The following COL9A1 variants were observed in gnomAD, a reference collection of about 807,000 sequenced individuals.
COL9A1 encodes collagen alpha-1(IX) chain.
COL9A1 carries 104 observed loss-of-function variants against 142.6 expected under a neutral mutation model. The ratio of observed to expected loss-of-function variants is 0.73; its 90% CI spans 0.62 to 0.86. The LOEUF is 0.86. Among genes scored for constraint, COL9A1 ranks in the 40% least tolerant of loss-of-function variants. The pLI is 0.00. For missense variants in COL9A1, 1,210 were observed against 1,176.6 expected (o/e 1.03, Z -0.42); for synonymous variants, 466 against 396.0 (o/e 1.18, Z -2.10).
In COL9A1 at chr6:70,232,455, A is replaced by C; in HGVS notation, c.2503+128T>G. ...TGAATCTTCACCGTCACTATTGAAA[A>C]GAGAATAATACATCTTATCTCACTG... On this transcript the variant is annotated intron_variant, in intron 36 of 37. Coordinates refer to ENST00000357250, the MANE Select transcript of COL9A1 (RefSeq NM_001851.6). 3 of 1,096,926 alleles carry C rather than the reference A, an allele frequency of 2.7e-6. No individual in the cohort carries two copies. In the East Asian group the frequency reaches 7.1e-5, roughly 26 times the overall value. The allele number at this position is 1,096,926 out of a possible 1,614,324, so 67.9% of individuals were successfully genotyped here.
intron 10 of COL9A1, chr6:70,280,358 T>C: frequency 8.5e-7 from 1 of 1,179,460 alleles, no homozygotes; most frequent in Non-Finnish European, 1.0e-6. Flanking sequence ...TTTGCCTACC[T>C]GCAGGATCTT....
intron 2 of COL9A1, among the ~76,000 whole-genome samples, chr6:70,301,522 A>T (rs1342017169): frequency 2.6e-5 from 4 of 152,220 alleles, no homozygotes; most frequent in Non-Finnish European, 5.9e-5. Context: ...GGTTGCAGTG[A>T]GCCGAGATTG....
At position 70,246,557 on chromosome 6, in the gene COL9A1, C is replaced by G. The variant is rs559807580; in HGVS notation, c.1873-3842G>C. 2.6e-5 allele frequency among the ~76,000 whole-genome samples: 4 copies of G among 152,218 alleles called. No individual in the cohort carries two copies. The South Asian group carries it at 8.3e-4, about 32-fold the overall frequency. Reference sequence around the variant, plus strand: ...CCCCATTCCTTATCTTTATTTAGCCCCTTGCCCTCTGATTCTAATTCTGCA... The same window carrying G: ...CCCCATTCCTTATCTTTATTTAGCCGCTTGCCCTCTGATTCTAATTCTGCA... On this transcript the variant is annotated intron_variant, in intron 28 of 37. Transcript: ENST00000357250.
At chr6:70,248,496 A>G (rs1770735482) in intron 28 of COL9A1, among the ~76,000 whole-genome samples, 1 of 152,202 alleles carries the variant, frequency 6.6e-6, no homozygotes, top group Non-Finnish European at 1.5e-5. Flanking sequence ...AAACTGATCA[A>G]ACGTGTGAGG....
At chr6:70,217,769 A>T (rs1226738567) in intron 37 of COL9A1, among the ~76,000 whole-genome samples, 1 of 152,216 alleles carries the variant, frequency 6.6e-6, no homozygotes, top group East Asian at 1.9e-4. Context: ...TAGCCCTATC[A>T]TTTATGAAAA....
rs73749910 is a variant in COL9A1 at position 70,230,238 on chromosome 6, G to A, written c.2503+2345C>T. Among the ~76,000 whole-genome samples the A allele has an allele frequency of 5.6e-3, 856 of 152,240 alleles. 7 individuals are homozygous for A. The highest frequency in any genetic ancestry group is 0.018 in the African/African-American group (732 of 41,542). On this transcript the variant is annotated intron_variant, in intron 36 of 37. Transcript: ENST00000357250. ...AATAAATACTCCTGTTAATGTATGT[G>A]GTGGGACAAGAAGAATCAAATCCAG...
intron 28 of COL9A1, among the ~76,000 whole-genome samples, chr6:70,248,556 A>G (rs1345596803): frequency 1.3e-5 from 2 of 152,250 alleles, no homozygotes; most frequent in Non-Finnish European, 2.9e-5. Context: ...TTAATGATGT[A>G]AAGTGAAAGA....
rs554880899 is a variant in COL9A1, at chr6:70,240,609, G to C, written c.2079+80C>G. 43 of 903,634 alleles carry C rather than the reference G, an allele frequency of 4.8e-5. No homozygotes were observed. In the East Asian group the frequency reaches 1.0e-3, roughly 21 times the overall value. 56.0% of individuals were successfully genotyped at this position (903,634 alleles called of 1,614,324 possible). A position where few individuals can be genotyped will look rare whatever the true frequency, so the allele number is the denominator to read the frequency against. On this transcript the variant is annotated intron_variant, in intron 32 of 37. Transcript: ENST00000357250. ...TATATATATATACCAATTTTGAACT[G>C]TGTTAGAAGTATATATATATACTTC... is the stretch of plus-strand genomic sequence containing the variant.
At chr6:70,242,523 C>T (rs1028502465) in intron 29 of COL9A1, 139 bp downstream of exon 29, 10 of 820,204 alleles carry the variant, frequency 1.2e-5, no homozygotes, top group Admixed American at 7.9e-5. Context: ...GAAATTTCCC[C>T]TTTACATTGT....
chr6:70,279,409 A>G (rs1772970690), intron 10 of COL9A1: 2 of 152,212 alleles, frequency 1.3e-5, no homozygotes, highest in Non-Finnish European at 2.9e-5. Flanking sequence ...AGAAAGTTCA[A>G]ACTAGGGGCT....
At chr6:70,283,215 C>G in intron 6 of COL9A1, 1 of 1,462,912 alleles carries the variant, frequency 6.8e-7, no homozygotes, top group Non-Finnish European at 9.0e-7. Flanking sequence ...GCGCGTTCCC[C>G]CTGTTTATGA....
chr6:70,260,838 A>G (rs568784295), intron 19 of COL9A1, 128 bp from the exon 20 acceptor site: 6 of 722,614 alleles, frequency 8.3e-6, no homozygotes, highest in Admixed American at 5.0e-5. Flanking sequence ...AATAGTAACT[A>G]TATATATATA....
Position 70,231,576 on chromosome 6 carries a change from A to C in COL9A1, c.2503+1007T>G, listed in dbSNP as rs576048933. Among the ~76,000 whole-genome samples, 3 of 152,198 alleles carry C rather than the reference A, an allele frequency of 2.0e-5. No homozygotes were observed. The South Asian group carries it at 6.2e-4, about 32-fold the overall frequency. ...CTCTGAACACGCCAAAAAAAAATGT[A>C]ATTAAATAAATTGTTCCAGCTGAAG... On this transcript the variant is annotated intron_variant, in intron 36 of 37. Transcript: ENST00000357250.
chr6:70,232,189 CCTAAGG>C (rs1769592115), intron 36 of COL9A1, among the ~76,000 whole-genome samples: 1 of 152,056 alleles, frequency 6.6e-6, no homozygotes, highest in Non-Finnish European at 1.5e-5. Context: ...ATACAAATAT[CCTAAGG>C]ATGGTTGCCA....
intron 28 of COL9A1, 152 bp from the exon 29 acceptor site, chr6:70,242,867 C>T (rs113957235): frequency 4.1e-6 from 3 of 725,600 alleles, no homozygotes; most frequent in Non-Finnish European, 7.4e-6. Flanking sequence ...CTGTGTTCAT[C>T]TTGCATTGAA....
chr6:70,240,655 A>G (rs773852972), intron 32 of COL9A1, 34 bp downstream of exon 32: 20 of 1,572,102 alleles, frequency 1.3e-5, no homozygotes, highest in Non-Finnish European at 1.7e-5. Context: ...AAATTGGTAA[A>G]GCTTCATCAT....
chr6:70,302,204 C>CTTTTTTTTTTTTT (rs202054376), intron 1 of COL9A1, 130 bp from the exon 2 acceptor site: 3 of 288,316 alleles, frequency 1.0e-5, no homozygotes, highest in African/African-American at 5.9e-5. Flanking sequence ...TTTTTCATTT[C>CTTTTTTTTTTTTT]TTTTTTTTTT....
At chr6:70,259,724 A>G (rs146531194) in intron 20 of COL9A1, among the ~76,000 whole-genome samples, 288 of 152,198 alleles carry the variant, frequency 1.9e-3, no homozygotes, top group Admixed American at 1.5e-3. Flanking sequence ...TTTTGCTTGC[A>G]TTGTAGTTAA....
chr6:70,298,788 G>T (rs114629782), intron 4 of COL9A1, among the ~76,000 whole-genome samples: 1 of 152,138 alleles, frequency 6.6e-6, no homozygotes, highest in South Asian at 2.1e-4. Context: ...TTAGCAACAC[G>T]ACTGGCACTT....
Sources: gnomAD v4.1 joint callset for allele counts (sites outside exome capture counted in the v4.1 genomes callset) on GRCh38, gnomAD v4.1.1 for gene constraint, MANE v1.5 for transcripts, NCBI Gene and HGNC (gene_info 2026-07-23, HGNC 2026-07-21) for gene names.